Variants in PPP2R5C observed in about 807,000 individuals in gnomAD.
PPP2R5C encodes the protein serine/threonine-protein phosphatase 2A 56 kDa regulatory subunit gamma isoform.
A neutral mutation model predicts 68.9 loss-of-function variants in PPP2R5C; 7 were observed. That is an observed-to-expected ratio of 0.10 (90% CI 0.06 to 0.19). The LOEUF is 0.19. Among genes scored for constraint, PPP2R5C ranks in the 10% least tolerant of loss-of-function variants. The probability of loss-of-function intolerance (pLI) is 1.00; values close to 1 mark genes in which losing one functional copy is unlikely to be tolerated. For missense variants in PPP2R5C, 348 were observed against 641.3 expected (o/e 0.54, Z 4.94); for synonymous variants, 210 against 222.2 (o/e 0.95, Z 0.49).
intron 8 of PPP2R5C, among the ~76,000 whole-genome samples, chr14:101,901,299 ACT>A (rs1158838417): frequency 1.3e-5 from 2 of 151,880 alleles, no homozygotes; most frequent in Non-Finnish European, 2.9e-5. Flanking sequence ...AAAGGAATGG[ACT>A]CTTACTGAAA....
At chr14:101,829,700 A>G (rs1369852027) in intron 1 of PPP2R5C, among the ~76,000 whole-genome samples, 1 of 152,114 alleles carries the variant, frequency 6.6e-6, no homozygotes, top group East Asian at 1.9e-4. Flanking sequence ...ACAGTTTTCC[A>G]TGCATGGACC....
exon 14 of PPP2R5C, chr14:101,927,086 G>A (rs1359182278): frequency 6.6e-6 from 1 of 151,578 alleles, no homozygotes; most frequent in Non-Finnish European, 1.5e-5. Flanking sequence ...TATGTATTTT[G>A]ATATACCATT....
chr14:101,919,873 G>A (rs2046908004), intron 13 of PPP2R5C, among the ~76,000 whole-genome samples: 1 of 150,374 alleles, frequency 6.7e-6, no homozygotes, highest in Non-Finnish European at 1.5e-5. Flanking sequence ...GGAGGCTGAG[G>A]CAGGAGAATC....
chr14:101,848,507 C>T (rs1424850698), intron 1 of PPP2R5C, among the ~76,000 whole-genome samples: 1 of 151,570 alleles, frequency 6.6e-6, no homozygotes, highest in African/African-American at 2.4e-5. Flanking sequence ...CACTGCACTC[C>T]AGCCTGGGCA....
chr14:101,906,158 C>G lies in PPP2R5C; in HGVS notation c.1024-244C>G, dbSNP rs923266215. On this transcript the variant is annotated intron_variant, in intron 9 of 13. Transcript: ENST00000334743. The surrounding 1 kb of genome is among the most constrained non-coding windows in gnomAD (Gnocchi z 4.0). ...AGCCAGCATCTAGCATAAATGTTTA[C>G]GGAATAAGTAGAGAAATAGGTGACA... 6.6e-6 allele frequency among the ~76,000 whole-genome samples: 1 copy of G among 152,160 alleles called. No homozygotes were observed. Among genetic ancestry groups the G allele is most frequent in the African/African-American group, 2.4e-5 (1 of 41,432 alleles).
chr14:101,890,359 C>T (rs1458898805), intron 6 of PPP2R5C, 63 bp downstream of exon 8: 2 of 1,474,270 alleles, frequency 1.4e-6, no homozygotes, highest in East Asian at 4.5e-5. Context: ...TGATCCATTT[C>T]ATTGAGTCCA....
rs758659698 is a variant in PPP2R5C, at chr14:101,925,115, C to T, written c.1444-26C>T. 2.5e-6 allele frequency: 4 copies of T among 1,612,848 alleles called. No homozygotes were observed. In the Admixed American group the frequency reaches 5.0e-5, roughly 20 times the overall value. ...CTTTTCAGATAGCTTAGTTTGTAGC[C>T]AACGCCATTGCATTTCTAATTCCAG... On this transcript the variant is annotated intron_variant, in intron 13 of 13. Transcript: ENST00000334743.
intron 3 of PPP2R5C, among the ~76,000 whole-genome samples, chr14:101,787,452 G>GC (rs1050240432): frequency 6.6e-6 from 1 of 151,932 alleles, no homozygotes; most frequent in African/African-American, 2.4e-5. Context: ...GAATTTTCTT[G>GC]CCCCCTACTT....
chr14:101,785,965 T>C, intron 2 of PPP2R5C, 53 bp from the exon 3 acceptor site: 1 of 1,442,872 alleles, frequency 6.9e-7, no homozygotes, highest in Admixed American at 2.8e-5. Context: ...TTAATAGTGC[T>C]ACAAAATACA....
At chr14:101,880,099 G>C (rs931738445) in intron 2 of PPP2R5C, among the ~76,000 whole-genome samples, 4 of 152,192 alleles carry the variant, frequency 2.6e-5, no homozygotes, top group Admixed American at 2.6e-4. Flanking sequence ...GAGGCTCCTT[G>C]CAGTGCCCTA....
At chr14:101,767,931 C>T (rs2036943441) in intron 2 of PPP2R5C, among the ~76,000 whole-genome samples, 2 of 152,200 alleles carry the variant, frequency 1.3e-5, no homozygotes, top group African/African-American at 2.4e-5. Context: ...TCCTGTCCTA[C>T]ATCACAAGCT....
At chr14:101,911,252 C>T (rs909256314) in intron 11 of PPP2R5C, among the ~76,000 whole-genome samples, 1 of 151,622 alleles carries the variant, frequency 6.6e-6, no homozygotes, top group African/African-American at 2.4e-5. Context: ...CCAGCCTGGG[C>T]GACAGAGCGA....
At chr14:101,822,379 G>A (rs926263978) in intron 1 of PPP2R5C, among the ~76,000 whole-genome samples, 1 of 152,200 alleles carries the variant, frequency 6.6e-6, no homozygotes, top group African/African-American at 2.4e-5. Context: ...TTAGTTAAGA[G>A]AAATGCTCTG....
chr14:101,805,136 C>T (rs1021777446), upstream of PPP2R5C, among the ~76,000 whole-genome samples: 1 of 152,170 alleles, frequency 6.6e-6, no homozygotes, highest in African/African-American at 2.4e-5. Context: ...CCCTGTCACC[C>T]AGGCTGGAGT....
At chr14:101,892,843 A>T (rs2045048280) in intron 6 of PPP2R5C, among the ~76,000 whole-genome samples, 157 bp from the exon 9 acceptor site, 1 of 152,136 alleles carries the variant, frequency 6.6e-6, no homozygotes, top group Admixed American at 6.5e-5. Flanking sequence ...TCAGCCTCCC[A>T]AGTTAGCTGG....
intron 1 of PPP2R5C, among the ~76,000 whole-genome samples, chr14:101,849,272 G>C (rs1373710210): frequency 6.6e-6 from 1 of 152,156 alleles, no homozygotes; most frequent in Non-Finnish European, 1.5e-5. Context: ...TGCCAGGAGT[G>C]CTGTCCTGGC....
At chr14:101,851,260 G>T (rs970289581) in intron 1 of PPP2R5C, among the ~76,000 whole-genome samples, 1 of 152,136 alleles carries the variant, frequency 6.6e-6, no homozygotes, top group Non-Finnish European at 1.5e-5. Context: ...TAGTGAGATT[G>T]TGTCTCTATA....
intron 5 of PPP2R5C, among the ~76,000 whole-genome samples, chr14:101,884,475 G>A (rs149776743): frequency 6.6e-6 from 1 of 152,362 alleles, no homozygotes; most frequent in African/African-American, 2.4e-5. Flanking sequence ...GAGTCTCAGT[G>A]AGAGGAGGCG....
chr14:101,855,687 G>A (rs866490280), intron 1 of PPP2R5C, among the ~76,000 whole-genome samples: 5 of 152,156 alleles, frequency 3.3e-5, no homozygotes, highest in African/African-American at 4.8e-5. Context: ...AGTCAGTCCC[G>A]TTTATTCGTG....
Sources: allele counts gnomAD v4.1 joint callset (sites outside exome capture counted in the v4.1 genomes callset), GRCh38; gene constraint gnomAD v4.1.1; non-coding constraint Gnocchi (gnomAD v3.1); transcripts MANE v1.5; gene names NCBI Gene and HGNC (gene_info 2026-07-23, HGNC 2026-07-21).